Variants in KCNQ1 observed in about 807,000 individuals in gnomAD.
KCNQ1 encodes the protein potassium voltage-gated channel subfamily KQT member 1.
Under a neutral mutation model 72.4 loss-of-function variants are expected in KCNQ1, and 49 were observed. The observed-to-expected ratio is 0.68, with a 90% CI of 0.54 to 0.86. The LOEUF is 0.86. Ranked by LOEUF, KCNQ1 falls within the 40% of genes least tolerant of loss-of-function variation. The probability of loss-of-function intolerance (pLI) is 0.00; values close to 1 mark genes in which losing one functional copy is unlikely to be tolerated. For synonymous variants in KCNQ1, 450 were observed against 412.6 expected (o/e 1.09, Z -1.10); for missense variants, 790 against 945.1 (o/e 0.84, Z 2.15).
At chr11:2,656,843 C>CT (rs1316897552) in intron 10 of KCNQ1, 7 of 398,450 alleles carry the variant, frequency 1.8e-5, no homozygotes, top group Non-Finnish European at 3.1e-5. Context: ...TATAGTTATG[C>CT]TTTTCATAGT....
At chr11:2,727,990 C>T (rs750462428) in intron 11 of KCNQ1, among the ~76,000 whole-genome samples, 3 of 152,136 alleles carry the variant, frequency 2.0e-5, no homozygotes, top group Non-Finnish European at 4.4e-5. Flanking sequence ...TCTTACCCTG[C>T]GTGAGGTTCA....
In KCNQ1 at chr11:2,641,229, T is replaced by C. The variant is rs1378241576; in HGVS notation, c.1394-20732T>C. On this transcript the variant is annotated intron_variant, in intron 10 of 15. Coordinates refer to ENST00000155840, the MANE Select transcript of KCNQ1 (RefSeq NM_000218.3). ...ATGTCATATTTCTCTTTTTAGGTTTTTCAGAAATCAAACTGTTTTCTATAG... is the reference window on the plus strand; with the variant it reads ...ATGTCATATTTCTCTTTTTAGGTTTCTCAGAAATCAAACTGTTTTCTATAG... 1.5e-5 allele frequency: 6 copies of C among 398,456 alleles called. No homozygotes were observed. The East Asian group carries it at 2.1e-4, about 14-fold the overall frequency. 24.7% of individuals were successfully genotyped at this position (398,456 alleles called of 1,614,324 possible).
chr11:2,848,084 C>T lies in KCNQ1; in HGVS notation c.*81C>T, dbSNP rs771815387. On this transcript the variant is annotated 3_prime_UTR_variant, in exon 16 of 16. Coordinates refer to ENST00000155840, the MANE Select transcript of KCNQ1 (RefSeq NM_000218.3). ...CCACCTGGCCCTCTCTGAAGGAGGCCACCTCCTAAAAGGCCCAGAGAGAAG... is the reference window on the plus strand; with the variant it reads ...CCACCTGGCCCTCTCTGAAGGAGGCTACCTCCTAAAAGGCCCAGAGAGAAG... The T allele has an allele frequency of 1.9e-5, 23 of 1,202,688 alleles. No individual in the cohort carries two copies. Among genetic ancestry groups the T allele is most frequent in the Non-Finnish European group, 3.6e-6 (3 of 842,400 alleles). The allele number at this position is 1,202,688 out of a possible 1,614,324, so 74.5% of individuals were successfully genotyped here.
Position 2,623,229 on chromosome 11 carries a change from C to T in KCNQ1, c.1393+34375C>T, listed in dbSNP as rs186462998. 173 of 398,764 alleles carry T rather than the reference C, an allele frequency of 4.3e-4. No homozygotes were observed. The highest frequency in any genetic ancestry group is 7.2e-4 in the Non-Finnish European group (163 of 226,166). 24.7% of individuals were successfully genotyped at this position (398,764 alleles called of 1,614,324 possible). A position where few individuals can be genotyped will look rare whatever the true frequency, so the allele number is the denominator to read the frequency against. On this transcript the variant is annotated intron_variant, in intron 10 of 15. Coordinates refer to ENST00000155840, the MANE Select transcript of KCNQ1 (RefSeq NM_000218.3). This position sits in a 1 kb window ranked among gnomAD's most constrained non-coding sequence, Gnocchi z 5.2. The stretch of plus-strand genomic sequence containing the variant: ...TTCTGAGGCCTGCCAGCCATGCTTA[C>T]TGTACAGCCTACAAAACTGTGAGTC...
chr11:2,650,274 T>C, intron 10 of KCNQ1: 1 of 398,620 alleles, frequency 2.5e-6, no homozygotes. Context: ...TTGGAGTCTA[T>C]TATTGGAGAA....
intron 10 of KCNQ1, chr11:2,625,670 G>A (rs1201004620): frequency 5.0e-6 from 2 of 397,408 alleles, no homozygotes; most frequent in Non-Finnish European, 8.9e-6. Context: ...CTGCCTCCTG[G>A]GTTCACATCA....
chr11:2,502,113 G>T (rs540982331), intron 1 of KCNQ1, among the ~76,000 whole-genome samples: 1 of 152,156 alleles, frequency 6.6e-6, no homozygotes, highest in South Asian at 2.1e-4. Flanking sequence ...AAAACTGAAG[G>T]CCTTTCCTCT....
chr11:2,578,698 T>C (rs933061050), intron 6 of KCNQ1, among the ~76,000 whole-genome samples: 1 of 152,236 alleles, frequency 6.6e-6, no homozygotes, highest in African/African-American at 2.4e-5. Context: ...CTTGGAGCTG[T>C]GGGGCTGAGC....
chr11:2,706,582 G>A (rs1163246044), intron 11 of KCNQ1, among the ~76,000 whole-genome samples: 1 of 152,256 alleles, frequency 6.6e-6, no homozygotes, highest in Non-Finnish European at 1.5e-5. Flanking sequence ...TTGTCACACA[G>A]CAAAGGCCAG....
At chr11:2,504,022 G>A (rs1390762217) in intron 1 of KCNQ1, among the ~76,000 whole-genome samples, 9 of 152,174 alleles carry the variant, frequency 5.9e-5, no homozygotes, top group Admixed American at 2.6e-4. Flanking sequence ...AGAAGGATCC[G>A]CACTCCTGTG....
At position 2,651,756 on chromosome 11, in the gene KCNQ1, T is replaced by C. The variant is rs1413517410; in HGVS notation, c.1394-10205T>C. The C allele has an allele frequency of 2.5e-6, 1 of 398,526 alleles. No individual in the cohort carries two copies. Among genetic ancestry groups the C allele is most frequent in the African/African-American group, 2.1e-5 (1 of 48,616 alleles). The allele number at this position is 398,526 out of a possible 1,614,324, so 24.7% of individuals were successfully genotyped here. A position where few individuals can be genotyped will look rare whatever the true frequency, so the allele number is the denominator to read the frequency against. ...ATACGTTTTCTCTGATTACTGGAAATTCCTCAAGTGTTGACCATTTTGATT... is the reference window on the plus strand; with the variant it reads ...ATACGTTTTCTCTGATTACTGGAAACTCCTCAAGTGTTGACCATTTTGATT... On this transcript the variant is annotated intron_variant, in intron 10 of 15. Coordinates refer to ENST00000155840, the MANE Select transcript of KCNQ1 (RefSeq NM_000218.3). This position sits in a 1 kb window ranked among gnomAD's most constrained non-coding sequence, Gnocchi z 6.1.
rs199473452 is a variant in KCNQ1 at position 2,527,990 on chromosome 11, C to T, written c.449C>T (p.Ala150Val). 6 of 1,614,006 alleles carry T rather than the reference C, an allele frequency of 3.7e-6. No individual in the cohort carries two copies. The highest frequency in any genetic ancestry group is 4.2e-6 in the Non-Finnish European group (5 of 1,179,968). Residue 150 changes from alanine to valine, a missense_variant, in exon 2 of 16, where the codon GCC (alanine) becomes GTC (valine). Physicochemically the swap from Ala to Val is moderately conservative, Grantham distance 64. Around this residue, in one of 5 missense-constraint regions of KCNQ1, gnomAD observed 294 missense variants for 323.3 expected, o/e 0.91. Coordinates refer to ENST00000155840, the MANE Select transcript of KCNQ1 (RefSeq NM_000218.3). ...SVLSTIEQYAALATGTLFWME... is the reference protein window; with the variant it reads ...SVLSTIEQYAVLATGTLFWME... ...CTGTCCACCATCGAGCAGTATGCCG[C>T]CCTGGCCACGGGGACTCTCTTCTGG...
intron 1 of KCNQ1, among the ~76,000 whole-genome samples, chr11:2,522,853 C>T (rs1847412867): frequency 6.6e-6 from 1 of 152,198 alleles, no homozygotes; most frequent in Admixed American, 6.5e-5. Flanking sequence ...GCACCTCTGC[C>T]CAGGTAGTTG....
intron 11 of KCNQ1, among the ~76,000 whole-genome samples, chr11:2,756,969 A>AAAAC (rs1329111677): frequency 1.4e-5 from 2 of 148,004 alleles, no homozygotes; most frequent in African/African-American, 4.9e-5. Flanking sequence ...AAAAAAAAAA[A>AAAAC]AAAAAAAAAA....
chr11:2,733,814 A>ACACACACACACACACACCCT, intron 11 of KCNQ1, among the ~76,000 whole-genome samples: 2 of 86,614 alleles, frequency 2.3e-5, no homozygotes. Flanking sequence ...ACACACACAC[A>ACACACACACACACACACCCT]CTCTCTCACT....
intron 11 of KCNQ1, among the ~76,000 whole-genome samples, chr11:2,739,678 C>T (rs897151775): frequency 1.3e-5 from 2 of 152,244 alleles, no homozygotes; most frequent in Non-Finnish European, 2.9e-5. Flanking sequence ...GGCACTGGGC[C>T]CGCAGAGCTC....
intron 11 of KCNQ1, among the ~76,000 whole-genome samples, chr11:2,719,663 G>A (rs887179318): frequency 2.2e-4 from 34 of 152,184 alleles, no homozygotes; most frequent in African/African-American, 8.0e-4. Flanking sequence ...GGAAGGCCCA[G>A]CAGTAGCAAA....
chr11:2,682,222 T>C lies in KCNQ1; in HGVS notation c.1514+20141T>C. On this transcript the variant is annotated intron_variant, in intron 11 of 15. Coordinates refer to ENST00000155840, the MANE Select transcript of KCNQ1 (RefSeq NM_000218.3). This position sits in a 1 kb window ranked among gnomAD's most constrained non-coding sequence, Gnocchi z 5.8. Reference sequence around the variant, plus strand: ...AGGCCAGGACTGTCTTATCCTGTGGTTCTTAGCTGAAATGTCCCTTCCTCA... The same window carrying C: ...AGGCCAGGACTGTCTTATCCTGTGGCTCTTAGCTGAAATGTCCCTTCCTCA... 1 of 398,586 alleles carries C rather than the reference T, an allele frequency of 2.5e-6. No homozygotes were observed. Among genetic ancestry groups the C allele is most frequent in the Non-Finnish European group, 4.4e-6 (1 of 226,076 alleles). 24.7% of individuals were successfully genotyped at this position (398,586 alleles called of 1,614,324 possible).
chr11:2,829,523 A>G (rs989112723), intron 15 of KCNQ1, among the ~76,000 whole-genome samples: 1 of 152,240 alleles, frequency 6.6e-6, no homozygotes, highest in African/African-American at 2.4e-5. Flanking sequence ...ACATAGTGAC[A>G]TAAAGAGTTA....
Sources: allele counts gnomAD v4.1 joint callset (sites outside exome capture counted in the v4.1 genomes callset), GRCh38; gene constraint gnomAD v4.1.1; regional missense constraint gnomAD v4.1.1; non-coding constraint Gnocchi (gnomAD v3.1); transcripts MANE v1.5; gene names NCBI Gene and HGNC (gene_info 2026-07-23, HGNC 2026-07-21).